CYTH1: variants seen among roughly 807,000 people sequenced by gnomAD.
CYTH1 encodes cytohesin 1.
Under a neutral mutation model 61.8 loss-of-function variants are expected in CYTH1, and 18 were observed. The ratio of observed to expected loss-of-function variants is 0.29; its 90% confidence interval spans 0.20 to 0.43. The LOEUF (loss-of-function observed/expected upper bound fraction) is 0.43, where lower values mean the gene tolerates loss of function less well. CYTH1 is among the 20% of genes least tolerant of loss of function. The probability of loss-of-function intolerance (pLI) is 1.00; values close to 1 mark genes in which losing one functional copy is unlikely to be tolerated. For synonymous variants in CYTH1, 174 were observed against 184.3 expected (o/e 0.94, Z 0.45); for missense variants, 336 against 510.5 (o/e 0.66, Z 3.29).
chr17:78,737,283 C>A (rs1308559142), intron 1 of CYTH1, among the ~76,000 whole-genome samples: 1 of 152,116 alleles, frequency 6.6e-6, no homozygotes, highest in Non-Finnish European at 1.5e-5. Flanking sequence ...ACTTCTAATA[C>A]CAAATACAAT....
intron 11 of CYTH1, among the ~76,000 whole-genome samples, chr17:78,683,630 T>C (rs182118100): frequency 5.5e-4 from 84 of 152,256 alleles, no homozygotes; most frequent in Non-Finnish European, 8.1e-4. Context: ...CACACTCCTG[T>C]CTGGGGAAAA....
At chr17:78,679,018 C>A (rs760852409) in intron 13 of CYTH1, among the ~76,000 whole-genome samples, 7 of 152,228 alleles carry the variant, frequency 4.6e-5, no homozygotes, top group Non-Finnish European at 8.8e-5. Flanking sequence ...TCCTTTCCCT[C>A]CATCATCACA....
chr17:78,744,644 G>GA (rs1209008799), intron 1 of CYTH1, among the ~76,000 whole-genome samples: 1 of 151,996 alleles, frequency 6.6e-6, no homozygotes, highest in South Asian at 2.1e-4. Context: ...GACCTTGGGG[G>GA]AAAAAAGAGT....
intron 1 of CYTH1, among the ~76,000 whole-genome samples, chr17:78,768,864 T>TA (rs1247213400): frequency 2.6e-5 from 4 of 151,540 alleles, no homozygotes; most frequent in Non-Finnish European, 4.4e-5. Context: ...AAAATAAAAA[T>TA]AAAAAAAAGA....
At chr17:78,677,851 G>A (rs543283971) in intron 13 of CYTH1, 1 of 152,400 alleles carries the variant, frequency 6.6e-6, no homozygotes, top group South Asian at 2.1e-4. Flanking sequence ...CTAGGGCCAA[G>A]GACAGCTGAG....
At chr17:78,690,201 CT>C (rs2092864520) in intron 11 of CYTH1, among the ~76,000 whole-genome samples, 2 of 151,414 alleles carry the variant, frequency 1.3e-5, no homozygotes, top group Non-Finnish European at 2.9e-5. Context: ...CGAGACCATC[CT>C]GACTAACACA....
intron 13 of CYTH1, chr17:78,676,618 T>A (rs11658223): frequency 0.16 from 41,826 of 267,718 alleles, 3,964 homozygotes; most frequent in Middle Eastern, 0.22. Context: ...CAGTGGGGCC[T>A]TCCAAGCCCC....
At chr17:78,740,686 C>T (rs186718154) in intron 1 of CYTH1, among the ~76,000 whole-genome samples, 1 of 152,342 alleles carries the variant, frequency 6.6e-6, no homozygotes, top group East Asian at 1.9e-4. Flanking sequence ...GTATGTTTCA[C>T]TCACTCATAA....
At chr17:78,773,103 G>C (rs2093478111) in intron 1 of CYTH1, among the ~76,000 whole-genome samples, 1 of 152,086 alleles carries the variant, frequency 6.6e-6, no homozygotes, top group African/African-American at 2.4e-5. Flanking sequence ...AAAGTGCTGG[G>C]ATTACAAGCA....
intron 12 of CYTH1, among the ~76,000 whole-genome samples, chr17:78,680,690 T>C (rs1370372860): frequency 6.6e-6 from 1 of 152,144 alleles, no homozygotes; most frequent in Non-Finnish European, 1.5e-5. Flanking sequence ...CCCAAGGGTA[T>C]AAACTACATA....
chr17:78,758,901 T>C (rs2093412140), intron 1 of CYTH1, among the ~76,000 whole-genome samples: 2 of 152,108 alleles, frequency 1.3e-5, no homozygotes, highest in South Asian at 2.1e-4. Context: ...TGCTGTGCGA[T>C]GTGTACTAAT....
chr17:78,776,596 G>A (rs1312429368), intron 1 of CYTH1, among the ~76,000 whole-genome samples: 2 of 150,132 alleles, frequency 1.3e-5, no homozygotes. Flanking sequence ...GAGGCAGAGG[G>A]TGCAGTAAGC....
intron 11 of CYTH1, among the ~76,000 whole-genome samples, chr17:78,687,333 G>A (rs542091113): frequency 6.6e-6 from 1 of 152,226 alleles, no homozygotes; most frequent in African/African-American, 2.4e-5. Flanking sequence ...CAGGATGTTG[G>A]GCGTGGAAGC....
intron 1 of CYTH1, among the ~76,000 whole-genome samples, chr17:78,710,826 G>A (rs1014200316): frequency 6.6e-6 from 1 of 152,184 alleles, no homozygotes; most frequent in African/African-American, 2.4e-5. Context: ...CTCAAGGGTA[G>A]GGGTGGTTTG....
chr17:78,710,682 T>A (rs1209748018), intron 1 of CYTH1, among the ~76,000 whole-genome samples: 1 of 152,186 alleles, frequency 6.6e-6, no homozygotes, highest in Admixed American at 6.5e-5. Flanking sequence ...GGTCCCACCA[T>A]CACCCACTTG....
Position 78,781,992 on chromosome 17 carries a change from G to C in CYTH1, c.22+210C>G, listed in dbSNP as rs903563950. ...ATCCCTCAGCGCCGCCAGCGACCCC[G>C]GCCCCGGCGACCCTCATCCCTCAAA... On this transcript the variant is annotated intron_variant, in intron 1 of 13. Transcript: ENST00000446868. 4.0e-5 allele frequency among the ~76,000 whole-genome samples: 6 copies of C among 149,226 alleles called. No homozygotes were observed. In the South Asian group the frequency reaches 8.5e-4, roughly 21 times the overall value.
At chr17:78,725,831 A>G (rs963599028) in intron 1 of CYTH1, among the ~76,000 whole-genome samples, 2 of 152,196 alleles carry the variant, frequency 1.3e-5, no homozygotes, top group African/African-American at 4.8e-5. Context: ...AAGAAGTTAC[A>G]AGAAAAGCTG....
intron 1 of CYTH1, among the ~76,000 whole-genome samples, chr17:78,772,346 C>T (rs887468162): frequency 6.6e-6 from 1 of 152,084 alleles, no homozygotes; most frequent in Non-Finnish European, 1.5e-5. Context: ...ATGTGTGCCC[C>T]CCATACTTGA....
chr17:78,772,215 TAA>T (rs2093474168), intron 1 of CYTH1, among the ~76,000 whole-genome samples: 1 of 152,042 alleles, frequency 6.6e-6, no homozygotes, highest in African/African-American at 2.4e-5. Flanking sequence ...TGTGGAACAA[TAA>T]CAGGAAAGCA....
Sources: gnomAD v4.1 joint callset for allele counts (sites outside exome capture counted in the v4.1 genomes callset) on GRCh38, gnomAD v4.1.1 for gene constraint, MANE v1.5 for transcripts, NCBI Gene and HGNC (gene_info 2026-07-23, HGNC 2026-07-21) for gene names.